The following RFFL variants were observed in gnomAD, a reference collection of about 807,000 sequenced individuals.
RFFL encodes E3 ubiquitin-protein ligase rififylin.
A neutral mutation model predicts 40.4 loss-of-function variants in RFFL; 16 were observed. That is an observed-to-expected ratio of 0.40 (90% CI 0.27 to 0.60). The LOEUF is 0.60. Among genes scored for constraint, RFFL ranks in the 20% least tolerant of loss-of-function variants. The pLI, the probability that RFFL is intolerant of heterozygous loss-of-function variation, is 0.47. For synonymous variants in RFFL, 154 were observed against 167.9 expected, an observed-to-expected ratio of 0.92 and a Z score of 0.64; for missense variants, 367 against 451.7, an observed-to-expected ratio of 0.81 and a Z score of 1.70.
At chr17:35,081,647 A>G (rs896210959) in intron 1 of RFFL, among the ~76,000 whole-genome samples, 5 of 152,222 alleles carry the variant, frequency 3.3e-5, no homozygotes, top group Non-Finnish European at 7.3e-5. Flanking sequence ...AGACTATTAC[A>G]GGAAAGTTGA....
intron 1 of RFFL, among the ~76,000 whole-genome samples, chr17:35,028,999 G>A (rs961319827): frequency 3.3e-5 from 5 of 151,984 alleles, no homozygotes; most frequent in South Asian, 2.1e-4. Flanking sequence ...TAGACAGGTA[G>A]CTCAACAAGA....
chr17:35,029,832 C>A, intron 1 of RFFL, among the ~76,000 whole-genome samples: 1 of 111,376 alleles, frequency 9.0e-6, no homozygotes, highest in Non-Finnish European at 1.8e-5. Flanking sequence ...CTAATGCTAT[C>A]CCTCCCCCCT....
intron 1 of RFFL, among the ~76,000 whole-genome samples, chr17:35,080,910 AC>A (rs1464347143): frequency 6.6e-6 from 1 of 152,254 alleles, no homozygotes; most frequent in Non-Finnish European, 1.5e-5. Flanking sequence ...AGGCATGTGA[AC>A]ATGAAAACAG....
intron 1 of RFFL, among the ~76,000 whole-genome samples, chr17:35,070,142 C>T (rs1464613455): frequency 6.6e-6 from 1 of 151,718 alleles, no homozygotes; most frequent in African/African-American, 2.4e-5. Context: ...GGATGGGGGT[C>T]TAACTTCTAC....
At position 35,008,234 on chromosome 17, in the gene RFFL, G is replaced by A. The variant is rs183134910; in HGVS notation, c.*3734C>T. 8 of 152,334 alleles carry A rather than the reference G, an allele frequency of 5.3e-5. No individual in the cohort carries two copies. The highest frequency in any genetic ancestry group is 1.7e-4 in the African/African-American group (7 of 41,544). 9.4% of individuals were successfully genotyped at this position (152,334 alleles called of 1,614,324 possible). On this transcript the variant is annotated 3_prime_UTR_variant, in exon 7 of 7. Coordinates refer to ENST00000394597, the MANE Select transcript of RFFL (RefSeq NM_001017368.2). ...TTGGTGCTTCAACCCAATTGGTCTT[G>A]GGATTCATCCTTTACCTACCCAGCT...
chr17:35,024,183 G>T (rs1024148328), intron 2 of RFFL, among the ~76,000 whole-genome samples: 2 of 152,118 alleles, frequency 1.3e-5, no homozygotes, highest in South Asian at 2.1e-4. Flanking sequence ...CGTGTGCAGG[G>T]TTCTGCTGGC....
Position 35,045,530 on chromosome 17 carries a change from G to A in RFFL, c.-9+18046C>T, listed in dbSNP as rs534922223. Among the ~76,000 whole-genome samples, 578 of 152,042 alleles carry A rather than the reference G, an allele frequency of 3.8e-3. 3 individuals are homozygous for A. The highest frequency in any genetic ancestry group is 0.013 in the African/African-American group (526 of 41,472). ...ATTACAGGCATGAGCCACCATGCCCGGCCTATATAATTCTTTTTAAAGTAT... is the reference window on the plus strand; with the variant it reads ...ATTACAGGCATGAGCCACCATGCCCAGCCTATATAATTCTTTTTAAAGTAT... On this transcript the variant is annotated intron_variant, in intron 1 of 6. Transcript: ENST00000394597.
At chr17:35,035,254 C>CA (rs1239142594) in intron 1 of RFFL, among the ~76,000 whole-genome samples, 2 of 151,854 alleles carry the variant, frequency 1.3e-5, no homozygotes, top group African/African-American at 4.8e-5. Flanking sequence ...ACTAAAAATA[C>CA]AAAAATTAGC....
intron 1 of RFFL, among the ~76,000 whole-genome samples, chr17:35,083,539 G>C (rs989842585): frequency 1.3e-5 from 2 of 151,602 alleles, no homozygotes; most frequent in African/African-American, 4.8e-5. Flanking sequence ...CCAACACTTT[G>C]GGAGGCCAAG....
Position 35,021,632 on chromosome 17 carries a change from C to A in RFFL, c.330G>T (p.Arg110Ser). The A allele has an allele frequency of 1.9e-6, 3 of 1,614,208 alleles. No individual in the cohort carries two copies. Residue 110 changes from arginine (R) to serine (S), a missense_variant, in exon 3 of 7, where the codon AGG (arginine) becomes AGT (serine). Coordinates refer to ENST00000394597, the MANE Select transcript of RFFL (RefSeq NM_001017368.2). ...ELMKMKVKDL[R>S]DYLSLHDIST... ...AGATGTCATGGAGGCTGAGATAGTC[C>A]CTCAAGTCCTTCACCTTCATCTTCA...
intron 1 of RFFL, among the ~76,000 whole-genome samples, chr17:35,049,566 C>A (rs2091219903): frequency 6.6e-6 from 1 of 152,108 alleles, no homozygotes; most frequent in Non-Finnish European, 1.5e-5. Flanking sequence ...GCTGAGTGAC[C>A]CCAAGCAAAT....
At chr17:35,031,662 G>A (rs1361178895) in intron 1 of RFFL, among the ~76,000 whole-genome samples, 1 of 151,942 alleles carries the variant, frequency 6.6e-6, no homozygotes, top group African/African-American at 2.4e-5. Flanking sequence ...CAGGGGAAGA[G>A]GGGTGACCAG....
chr17:35,027,839 C>T (rs559011252), intron 1 of RFFL, among the ~76,000 whole-genome samples: 2 of 151,518 alleles, frequency 1.3e-5, no homozygotes, highest in East Asian at 3.9e-4. Flanking sequence ...TCGACAGCAG[C>T]CTAGCCAACA....
rs1227708840 is a variant in RFFL at position 35,011,693 on chromosome 17, CTG to C, written c.*273_*274del. The C allele has an allele frequency of 1.0e-5, 4 of 385,098 alleles. No individual in the cohort carries two copies. Among genetic ancestry groups the C allele is most frequent in the South Asian group, 6.8e-5 (2 of 29,552 alleles). 23.9% of individuals were successfully genotyped at this position (385,098 alleles called of 1,614,324 possible). ...CAGGACCCAAGTTCTGGAAAGTTCTCTGTTCATCAGTTACCATCATCACTCCA... is the reference window on the plus strand; with the variant it reads ...CAGGACCCAAGTTCTGGAAAGTTCTCTTCATCAGTTACCATCATCACTCCA... On this transcript the variant is annotated 3_prime_UTR_variant, in exon 7 of 7. Coordinates refer to ENST00000394597, the MANE Select transcript of RFFL (RefSeq NM_001017368.2).
intron 1 of RFFL, among the ~76,000 whole-genome samples, chr17:35,048,425 TA>T (rs1007189270): frequency 3.0e-4 from 45 of 152,060 alleles, no homozygotes; most frequent in African/African-American, 9.6e-4. Context: ...ATTAATTAAT[TA>T]AAAAAATAAA....
intron 1 of RFFL, among the ~76,000 whole-genome samples, chr17:35,037,427 T>C (rs1372779421): frequency 6.6e-6 from 1 of 152,214 alleles, no homozygotes; most frequent in Non-Finnish European, 1.5e-5. Context: ...TGAAAGGAAA[T>C]TCTGTGAAAA....
At chr17:35,027,088 T>C (rs934966005) in intron 1 of RFFL, among the ~76,000 whole-genome samples, 1 of 152,158 alleles carries the variant, frequency 6.6e-6, no homozygotes, top group Non-Finnish European at 1.5e-5. Flanking sequence ...AGAGAGCTAA[T>C]ATACAGAGTT....
chr17:35,063,474 A>AAC (rs1464350916), intron 1 of RFFL, 102 bp downstream of exon 1: 12 of 154,366 alleles, frequency 7.8e-5, no homozygotes, highest in African/African-American at 2.9e-4. Flanking sequence ...AAAAAAAAAA[A>AAC]AAAAAAAAAA....
At chr17:35,080,017 C>T (rs2091396507) in intron 1 of RFFL, among the ~76,000 whole-genome samples, 1 of 152,048 alleles carries the variant, frequency 6.6e-6, no homozygotes. Context: ...TAATTTTAGC[C>T]CCTAACTATT....
Sources: gnomAD v4.1 joint callset for allele counts (sites outside exome capture counted in the v4.1 genomes callset) on GRCh38, gnomAD v4.1.1 for gene constraint, MANE v1.5 for transcripts, NCBI Gene and HGNC (gene_info 2026-07-23, HGNC 2026-07-21) for gene names.